TUBGCP2: variants seen among roughly 807,000 people sequenced by gnomAD.
TUBGCP2 encodes the protein tubulin gamma complex component 2.
A neutral mutation model predicts 92.2 loss-of-function variants in TUBGCP2; 55 were observed. The ratio of observed to expected loss-of-function variants is 0.60; its 90% CI spans 0.48 to 0.75. The LOEUF (loss-of-function observed/expected upper bound fraction) is 0.75, where lower values mean the gene tolerates loss of function less well. Ranked by LOEUF, TUBGCP2 falls within the 30% of genes least tolerant of loss-of-function variation. The pLI is 0.00. For synonymous variants in TUBGCP2, 533 were observed against 505.2 expected, an observed-to-expected ratio of 1.06 and a Z score of -0.74; for missense variants, 1,093 against 1,188.9, an observed-to-expected ratio of 0.92 and a Z score of 1.19.
upstream of TUBGCP2, chr10:133,309,456 A>G (rs773558513): frequency 2.5e-6 from 4 of 1,612,082 alleles, no homozygotes; most frequent in Non-Finnish European, 3.4e-6. Context: ...CGTGCCTGAG[A>G]AGCCCAGGTA....
chr10:133,304,286 T>C lies in TUBGCP2; in HGVS notation c.-39-1306A>G, dbSNP rs114620932. Reference sequence around the variant, plus strand: ...GCCTGGGCGACAGAGGGAGACCCTGTCTCAACAAAAAACAAAACAAAACAA... The same window carrying C: ...GCCTGGGCGACAGAGGGAGACCCTGCCTCAACAAAAAACAAAACAAAACAA... On this transcript the variant is annotated intron_variant, in intron 1 of 17. Coordinates refer to ENST00000252936, the MANE Select transcript of TUBGCP2 (RefSeq NM_006659.4). Among the ~76,000 whole-genome samples the C allele has an allele frequency of 3.5e-3, 537 of 152,210 alleles. 5 individuals carry two copies. Among genetic ancestry groups the C allele is most frequent in the African/African-American group, 0.012 (483 of 41,524 alleles).
upstream of TUBGCP2, chr10:133,309,839 C>T: frequency 1.2e-6 from 2 of 1,613,730 alleles, no homozygotes; most frequent in Non-Finnish European, 1.7e-6. Context: ...TGGACGACTA[C>T]GAGCACCACT....
At position 133,288,999 on chromosome 10, in the gene TUBGCP2, C is replaced by G; in HGVS notation, c.1382G>C (p.Arg461Thr). The G allele has an allele frequency of 1.9e-6, 3 of 1,612,340 alleles. No individual in the cohort carries two copies. The highest frequency in any genetic ancestry group is 2.5e-6 in the Non-Finnish European group (3 of 1,179,346). Reference sequence around the variant, plus strand: ...GCAGGTGACGTCATGGCCACACTCTCTGACCACATTTAGATATTTTCCTGA... The same window carrying G: ...GCAGGTGACGTCATGGCCACACTCTGTGACCACATTTAGATATTTTCCTGA... ...LSTGKYLNVV[R>T]ECGHDVTCPV... Residue 461 changes from arginine (R) to threonine (T), a missense_variant, in exon 10 of 18, where the codon AGA (arginine) becomes ACA (threonine). Physicochemically the swap from Arg to Thr is moderately conservative, Grantham distance 71 (BLOSUM62 -1). This residue lies in a region of TUBGCP2 where 598 missense variants were observed against 675.5 expected (regional missense o/e 0.89). Coordinates refer to ENST00000252936, the MANE Select transcript of TUBGCP2 (RefSeq NM_006659.4).
At chr10:133,284,937 T>G (rs753824256) in intron 13 of TUBGCP2, 148 bp downstream of exon 13, 23 of 1,239,320 alleles carry the variant, frequency 1.9e-5, no homozygotes, top group African/African-American at 3.0e-5. Context: ...ATTATGGATC[T>G]AAAGCCACCA....
At chr10:133,303,006 T>C (rs1847712280) in intron 1 of TUBGCP2, 26 bp from the exon 2 acceptor site, 7 of 1,592,772 alleles carry the variant, frequency 4.4e-6, no homozygotes, top group Non-Finnish European at 6.0e-6. Flanking sequence ...CAGCTATTCA[T>C]AAAATTCAAA....
chr10:133,292,897 C>A (rs778913109), intron 7 of TUBGCP2, 142 bp downstream of exon 7: 129 of 1,117,546 alleles, frequency 1.2e-4, no homozygotes, highest in Non-Finnish European at 2.8e-5. Context: ...GTTAATAGCA[C>A]ATGGAGCAAC....
upstream of TUBGCP2, chr10:133,308,917 A>G (rs1847905190): frequency 1.7e-6 from 2 of 1,211,976 alleles, no homozygotes; most frequent in East Asian, 3.4e-5. Context: ...GGTGGCCGAC[A>G]GGCTGCGCCC....
At position 133,284,056 on chromosome 10, in the gene TUBGCP2, CCCA is replaced by C. The variant is rs151253968; in HGVS notation, c.2025-57_2025-55del. 1,223 of 1,594,140 alleles carry C rather than the reference CCCA, an allele frequency of 7.7e-4. 21 individuals are homozygous for C. The East Asian group carries it at 0.02, about 26-fold the overall frequency. On this transcript the variant is annotated intron_variant, in intron 13 of 17. Transcript: ENST00000252936. ...CATGGAGGACGCGGCCCCGACAGCG[CCCA>C]CCAAGTGACACGGAGGACGGAGGAC... is the stretch of plus-strand genomic sequence containing the variant.
rs144070803 is a variant in TUBGCP2 at position 133,285,199 on chromosome 10, C to T, written c.1910G>A (p.Arg637His). 6.2e-7 allele frequency: 1 copy of T among 1,612,730 alleles called. No homozygotes were observed. Among genetic ancestry groups the T allele is most frequent in the Admixed American group, 1.7e-5 (1 of 60,034 alleles). Residue 637 changes from arginine (R) to histidine (H), a missense_variant, in exon 13 of 18, where the codon CGC (arginine) becomes CAC (histidine). Physicochemically the swap from Arg to His is conservative, Grantham distance 29. Around this residue, in one of 3 missense-constraint regions of TUBGCP2, gnomAD observed 598 missense variants for 675.5 expected, o/e 0.89. Transcript: ENST00000252936. This position sits in a 1 kb window ranked among gnomAD's most constrained non-coding sequence, Gnocchi z 6.8. ...CATGTGCCTGAAGAGCATCTGGTAG[C>T]GAGTGAGGGCTTTCCTGCAAGAGAC... is the stretch of plus-strand genomic sequence containing the variant. ...SLIINRKALT[R>H]YQMLFRHMFY...
chr10:133,300,358 T>C (rs1847613025), intron 2 of TUBGCP2: 1 of 384,814 alleles, frequency 2.6e-6, no homozygotes. Flanking sequence ...GGTAGACTGC[T>C]TGAGTCCAGG....
chr10:133,282,009 C>T (rs781362449), intron 16 of TUBGCP2, among the ~76,000 whole-genome samples: 41 of 152,258 alleles, frequency 2.7e-4, no homozygotes, highest in Non-Finnish European at 4.4e-4. Context: ...GGGGTTCCCT[C>T]GAGCCCGACT....
upstream of TUBGCP2, among the ~76,000 whole-genome samples, chr10:133,311,078 A>G (rs1212476716): frequency 6.6e-6 from 1 of 152,236 alleles, no homozygotes; most frequent in Non-Finnish European, 1.5e-5. Flanking sequence ...CTGAGATTGT[A>G]GGTATGAGCT....
At chr10:133,301,796 G>A (rs1177603387) in intron 2 of TUBGCP2, 1 of 127,718 alleles carries the variant, frequency 7.8e-6, no homozygotes, top group African/African-American at 3.0e-5. Flanking sequence ...CTCACTGCAA[G>A]CTCCACCTCC....
In TUBGCP2 at chr10:133,293,202, C is replaced by G. The variant is rs776370365; in HGVS notation, c.861G>C (p.Gln287His). The G allele has an allele frequency of 1.2e-6, 2 of 1,613,822 alleles. No individual in the cohort carries two copies. The highest frequency in any genetic ancestry group is 1.7e-6 in the Non-Finnish European group (2 of 1,180,040). Residue 287 changes from glutamine to histidine, a missense_variant, in exon 7 of 18, where the codon CAG (glutamine) becomes CAC (histidine). By Grantham distance (24) the Gln-to-His change is conservative. This residue lies in a region of TUBGCP2 where 490 missense variants were observed against 488.5 expected (regional missense o/e 1.00). Transcript: ENST00000252936. ...TGGCGGCCGCCAGGGCGTGGTTCACCTGCCCGTACTCGAAGGAAGACTTCT... is the reference window on the plus strand; with the variant it reads ...TGGCGGCCGCCAGGGCGTGGTTCACGTGCCCGTACTCGAAGGAAGACTTCT... ...IEEKSSFEYG[Q>H]VNHALAAAMR... is the part of the protein sequence containing the mutation.
At chr10:133,305,474 G>C (rs980037683) in intron 1 of TUBGCP2, among the ~76,000 whole-genome samples, 6 of 152,114 alleles carry the variant, frequency 3.9e-5, no homozygotes, top group African/African-American at 1.4e-4. Context: ...GCGTCTTGGT[G>C]GTAGTGGTTC....
rs770963732 is a variant in TUBGCP2 at position 133,282,192 on chromosome 10, C to T, written c.2409+31G>A. On this transcript the variant is annotated intron_variant, in intron 16 of 17. Coordinates refer to ENST00000252936, the MANE Select transcript of TUBGCP2 (RefSeq NM_006659.4). ...CTGCCGCCCAGCCGGGAGGAAGCGT[C>T]TCTCTCTGGCCAAACCTGGAGGCCA... 8 of 1,610,796 alleles carry T rather than the reference C, an allele frequency of 5.0e-6. No homozygotes were observed. In the South Asian group the frequency reaches 7.7e-5, roughly 16 times the overall value.
In TUBGCP2 at chr10:133,293,682, G is replaced by C. The variant is rs1042621877; in HGVS notation, c.704C>G (p.Ala235Gly). Reference protein sequence around the residue: ...LVGVDGRYVSAQPLAGRQSRT... With the variant: ...LVGVDGRYVSGQPLAGRQSRT... ...GCTCTGCCTCCCAGCCAGGGGCTGA[G>C]CACTGACGTACCTCCCGTCCACGCC... The change falls in exon 6 of 18, where the codon GCT (alanine) becomes GGT (glycine). Residue 235 changes from alanine (A) to glycine (G), a missense_variant. Coordinates refer to ENST00000252936, the MANE Select transcript of TUBGCP2 (RefSeq NM_006659.4). 6.2e-7 allele frequency: 1 copy of C among 1,603,032 alleles called. No individual in the cohort carries two copies. The highest frequency in any genetic ancestry group is 1.7e-5 in the Admixed American group (1 of 58,444).
chr10:133,304,640 T>C (rs1482927407), intron 1 of TUBGCP2, among the ~76,000 whole-genome samples: 1 of 152,258 alleles, frequency 6.6e-6, no homozygotes, highest in African/African-American at 2.4e-5. Flanking sequence ...GGGCACGAGC[T>C]GTTCCAGTGT....
At chr10:133,282,988 A>G in intron 15 of TUBGCP2, 90 bp downstream of exon 15, 4 of 1,537,110 alleles carry the variant, frequency 2.6e-6, no homozygotes, top group Non-Finnish European at 3.5e-6. Context: ...AAGGGCAGGA[A>G]AACGTGAGCA....
Sources: allele counts gnomAD v4.1 joint callset (sites outside exome capture counted in the v4.1 genomes callset), GRCh38; gene constraint gnomAD v4.1.1; regional missense constraint gnomAD v4.1.1; non-coding constraint Gnocchi (gnomAD v3.1); transcripts MANE v1.5; gene names NCBI Gene and HGNC (gene_info 2026-07-23, HGNC 2026-07-21).